The following NUFIP1 variants were observed in gnomAD, a reference collection of about 807,000 sequenced individuals.
NUFIP1 encodes FMR1-interacting protein NUFIP1.
In NUFIP1, 38 loss-of-function variants were observed where a neutral mutation model predicts 56.2. The observed-to-expected ratio is 0.68, with a 90% CI of 0.52 to 0.89. The LOEUF (loss-of-function observed/expected upper bound fraction) is 0.89. NUFIP1 is among the 40% of genes least tolerant of loss of function. The probability of loss-of-function intolerance (pLI) is 0.00; values close to 1 mark genes in which losing one functional copy is unlikely to be tolerated. For missense variants in NUFIP1, 567 were observed against 605.8 expected, an observed-to-expected ratio of 0.94 and a Z score of 0.67; for synonymous variants, 215 against 212.4, an observed-to-expected ratio of 1.01 and a Z score of -0.10.
At chr13:44,982,605 T>G (rs925428945) in intron 1 of NUFIP1, among the ~76,000 whole-genome samples, 1 of 151,902 alleles carries the variant, frequency 6.6e-6, no homozygotes, top group Non-Finnish European at 1.5e-5. Flanking sequence ...TCCACCAGAT[T>G]ACTCCTATAT....
chr13:44,953,199 A>C (rs1871132964), intron 7 of NUFIP1, among the ~76,000 whole-genome samples: 1 of 152,220 alleles, frequency 6.6e-6, no homozygotes, highest in South Asian at 2.1e-4. Context: ...AGAAGAATTA[A>C]GCTTCAACTC....
intron 1 of NUFIP1, among the ~76,000 whole-genome samples, chr13:44,987,694 G>C (rs1278405055): frequency 6.6e-6 from 1 of 152,034 alleles, no homozygotes; most frequent in Non-Finnish European, 1.5e-5. Flanking sequence ...ACCATCCCTT[G>C]GGCTTCACCC....
At chr13:44,943,278 A>G (rs1482616955) in intron 9 of NUFIP1, among the ~76,000 whole-genome samples, 164 bp downstream of exon 9, 1 of 152,130 alleles carries the variant, frequency 6.6e-6, no homozygotes, top group Admixed American at 6.5e-5. Context: ...TATACCAGCT[A>G]TATGCCAAAT....
chr13:44,953,518 T>C (rs1463639629), intron 7 of NUFIP1, among the ~76,000 whole-genome samples: 1 of 152,206 alleles, frequency 6.6e-6, no homozygotes, highest in Non-Finnish European at 1.5e-5. Context: ...CATATCAGTA[T>C]AGACTCATGG....
Position 44,941,757 on chromosome 13 carries a change from C to A in NUFIP1, c.1372-435G>T, listed in dbSNP as rs563343136. Among the ~76,000 whole-genome samples, 161 of 152,316 alleles carry A rather than the reference C, an allele frequency of 1.1e-3. 1 individual carries two copies. Among genetic ancestry groups the A allele is most frequent in the African/African-American group, 3.6e-3 (150 of 41,564 alleles). On this transcript the variant is annotated intron_variant, in intron 9 of 9. Coordinates refer to ENST00000379161, the MANE Select transcript of NUFIP1 (RefSeq NM_012345.3). ...CTCGATCTCCTGACCTTGTGATCCA[C>A]CCGCCTCGGCATCCCAAAGTGCTGG...
At chr13:44,958,084 GCT>G (rs1871302455) in intron 7 of NUFIP1, among the ~76,000 whole-genome samples, 1 of 152,038 alleles carries the variant, frequency 6.6e-6, no homozygotes, top group South Asian at 2.1e-4. Flanking sequence ...CCTTTTTCTT[GCT>G]CTCTCTCACA....
chr13:44,948,229 G>A (rs1870962236), intron 8 of NUFIP1, among the ~76,000 whole-genome samples: 1 of 143,054 alleles, frequency 7.0e-6, no homozygotes, highest in Non-Finnish European at 1.5e-5. Flanking sequence ...TGCAACCTCT[G>A]CCTCTTGGGT....
At chr13:44,958,671 G>T (rs369012507) in intron 7 of NUFIP1, among the ~76,000 whole-genome samples, 1 of 151,982 alleles carries the variant, frequency 6.6e-6, no homozygotes, top group African/African-American at 2.4e-5. Flanking sequence ...ATAATCTTTG[G>T]GTATTCCTTT....
chr13:44,971,839 C>T (rs1010678137), intron 5 of NUFIP1, among the ~76,000 whole-genome samples: 15 of 152,166 alleles, frequency 9.9e-5, no homozygotes, highest in African/African-American at 3.4e-4. Flanking sequence ...AGAGGAGAGC[C>T]GCCTACTCCG....
intron 7 of NUFIP1, among the ~76,000 whole-genome samples, chr13:44,953,877 T>G (rs1035912385): frequency 2.0e-5 from 3 of 152,094 alleles, no homozygotes; most frequent in South Asian, 4.2e-4. Context: ...TTCACACAAA[T>G]AAACAACTCT....
intron 9 of NUFIP1, among the ~76,000 whole-genome samples, chr13:44,942,722 T>C (rs1384342507): frequency 6.6e-6 from 1 of 152,144 alleles, no homozygotes; most frequent in African/African-American, 2.4e-5. Flanking sequence ...TCTTTATAAT[T>C]TGAAGAAAGC....
intron 7 of NUFIP1, among the ~76,000 whole-genome samples, chr13:44,950,051 A>T (rs908530522): frequency 4.6e-5 from 7 of 152,188 alleles, no homozygotes; most frequent in Non-Finnish European, 8.8e-5. Context: ...ACAGTGAGGG[A>T]AAAGGAAGCT....
chr13:44,979,949 G>C lies in NUFIP1; in HGVS notation c.598C>G (p.Pro200Ala). Residue 200 changes from proline (P) to alanine (A), a missense_variant, in exon 4 of 10, where the codon CCT becomes GCT. Transcript: ENST00000379161. ...GCAGTAAAAGAGCAATCTAATTCAG[G>C]GCACTATGAGTTTTTAAAAGAAAAA... ...DKHMSEHTKC[P>A]ELDCSFTAHE... is the part of the protein sequence containing the mutation. The C allele has an allele frequency of 6.3e-7, 1 of 1,593,774 alleles. No individual in the cohort carries two copies. The highest frequency in any genetic ancestry group is 8.5e-7 in the Non-Finnish European group (1 of 1,173,590).
chr13:44,967,845 AGGAAG>A, intron 5 of NUFIP1, among the ~76,000 whole-genome samples: 1 of 152,196 alleles, frequency 6.6e-6, no homozygotes, highest in South Asian at 2.1e-4. Context: ...AAAACATAGA[AGGAAG>A]GGAACACAGC....
intron 5 of NUFIP1, among the ~76,000 whole-genome samples, chr13:44,976,027 G>A (rs186704932): frequency 1.6e-4 from 24 of 152,230 alleles, no homozygotes; most frequent in Non-Finnish European, 2.9e-4. Context: ...ACTAGTAACC[G>A]CTACCATTCC....
chr13:44,980,061 C>A, intron 3 of NUFIP1, 109 bp from the exon 4 acceptor site: 1 of 753,376 alleles, frequency 1.3e-6, no homozygotes, highest in East Asian at 2.8e-5. Flanking sequence ...ATAGTTATCC[C>A]ATCTGTATAG....
intron 3 of NUFIP1, 81 bp downstream of exon 3, chr13:44,980,641 C>A: frequency 1.0e-6 from 1 of 962,610 alleles, no homozygotes; most frequent in East Asian, 2.5e-5. Flanking sequence ...TAAAGGAAAA[C>A]AAGCTTGGCA....
At chr13:44,964,998 C>T (rs2137908930) in intron 6 of NUFIP1, among the ~76,000 whole-genome samples, 1 of 152,294 alleles carries the variant, frequency 6.6e-6, no homozygotes, top group East Asian at 1.9e-4. Context: ...CAAAAATATA[C>T]AGCACCTGAT....
intron 5 of NUFIP1, among the ~76,000 whole-genome samples, chr13:44,974,594 CA>C (rs1871906648): frequency 6.6e-6 from 1 of 152,130 alleles, no homozygotes; most frequent in Non-Finnish European, 1.5e-5. Flanking sequence ...CTCTGTTACC[CA>C]AGCTGCAGCG....
Sources: allele counts gnomAD v4.1 joint callset (sites outside exome capture counted in the v4.1 genomes callset), GRCh38; gene constraint gnomAD v4.1.1; transcripts MANE v1.5; gene names NCBI Gene and HGNC (gene_info 2026-07-23, HGNC 2026-07-21).